HMBOX1: variants seen among roughly 807,000 people sequenced by gnomAD.
The protein encoded by HMBOX1 is homeobox-containing protein 1.
Under a neutral mutation model 54.5 loss-of-function variants are expected in HMBOX1, and 14 were observed. The observed-to-expected ratio is 0.26, with a 90% CI of 0.17 to 0.40. HMBOX1 has a LOEUF of 0.40. HMBOX1 is among the 10% of genes least tolerant of loss of function. The pLI is 1.00. For synonymous variants in HMBOX1, 160 were observed against 181.0 expected, an observed-to-expected ratio of 0.88 and a Z score of 0.93; for missense variants, 332 against 514.4, an observed-to-expected ratio of 0.65 and a Z score of 3.43.
intron 5 of HMBOX1, 76 bp downstream of exon 5, chr8:29,009,258 C>G (rs1833890097): frequency 8.0e-7 from 1 of 1,245,028 alleles, no homozygotes; most frequent in Admixed American, 1.9e-5. Flanking sequence ...ACTCCATGTG[C>G]TAACTTGTTC....
intron 1 of HMBOX1, among the ~76,000 whole-genome samples, chr8:28,960,851 A>C (rs1237758187): frequency 8.2e-6 from 1 of 122,578 alleles, no homozygotes; most frequent in Non-Finnish European, 1.6e-5. Flanking sequence ...CAGTGGTGTG[A>C]TCTTGGCTCA....
At chr8:28,940,164 C>T (rs1194037285) in intron 1 of HMBOX1, among the ~76,000 whole-genome samples, 1 of 152,094 alleles carries the variant, frequency 6.6e-6, no homozygotes, top group African/African-American at 2.4e-5. Context: ...TGTGCCACCA[C>T]ACCTGGTTAA....
At chr8:28,931,977 A>G (rs1348747914) in intron 1 of HMBOX1, among the ~76,000 whole-genome samples, 6 of 152,240 alleles carry the variant, frequency 3.9e-5, no homozygotes, top group African/African-American at 7.2e-5. Context: ...GAGGACATAT[A>G]TAATAAATAA....
At chr8:28,902,155 C>T (rs1813346354) in intron 1 of HMBOX1, among the ~76,000 whole-genome samples, 1 of 152,138 alleles carries the variant, frequency 6.6e-6, no homozygotes. Flanking sequence ...TTTCTGCTGA[C>T]TTGCCGCTGG....
At chr8:29,048,282 C>T (rs190743260) in intron 8 of HMBOX1, among the ~76,000 whole-genome samples, 5 of 152,198 alleles carry the variant, frequency 3.3e-5, no homozygotes, top group African/African-American at 9.6e-5. Flanking sequence ...CAAAACATCA[C>T]CTTGTACACC....
At chr8:28,997,077 C>T (rs1831972006) in intron 4 of HMBOX1, among the ~76,000 whole-genome samples, 1 of 151,876 alleles carries the variant, frequency 6.6e-6, no homozygotes, top group Non-Finnish European at 1.5e-5. Flanking sequence ...TCTACTTTTT[C>T]CTTTCCAATC....
rs573929232 is a variant in HMBOX1, at chr8:28,984,088, G to A, written c.586+3932G>A. On this transcript the variant is annotated intron_variant, in intron 4 of 9. Transcript: ENST00000287701. ...CTCGTAATTGGTCTAACTTAGGTTAGAGTGAGTCTGAGTATGGAAGCCTTC... is the reference window on the plus strand; with the variant it reads ...CTCGTAATTGGTCTAACTTAGGTTAAAGTGAGTCTGAGTATGGAAGCCTTC... Among the ~76,000 whole-genome samples, 8 of 152,326 alleles carry A rather than the reference G, an allele frequency of 5.3e-5. No homozygotes were observed. In the South Asian group the frequency reaches 1.5e-3, roughly 28 times the overall value.
intron 6 of HMBOX1, among the ~76,000 whole-genome samples, chr8:29,030,787 C>T (rs1332821654): frequency 6.6e-6 from 1 of 152,198 alleles, no homozygotes; most frequent in Non-Finnish European, 1.5e-5. Context: ...TAAGCTCTGG[C>T]AGAAGAGCAG....
intron 4 of HMBOX1, among the ~76,000 whole-genome samples, chr8:28,994,168 A>AC (rs1831429752): frequency 2.1e-5 from 1 of 48,066 alleles, no homozygotes; most frequent in Non-Finnish European, 7.4e-5. Context: ...CTCTCTCACC[A>AC]AAAAAAAAAA....
intron 2 of HMBOX1, among the ~76,000 whole-genome samples, chr8:28,968,129 G>A (rs1275925533): frequency 2.6e-5 from 4 of 152,180 alleles, no homozygotes; most frequent in Non-Finnish European, 4.4e-5. Flanking sequence ...ATTTCACATC[G>A]GAGGAGAAGA....
intron 1 of HMBOX1, among the ~76,000 whole-genome samples, chr8:28,930,682 T>A (rs1274060355): frequency 2.0e-5 from 3 of 152,234 alleles, no homozygotes; most frequent in African/African-American, 2.4e-5. Context: ...ATCTTTGTTA[T>A]AGCAATTCCA....
intron 6 of HMBOX1, among the ~76,000 whole-genome samples, chr8:29,033,270 A>C (rs28679662): frequency 0.36 from 54,439 of 151,954 alleles, 9,964 homozygotes; most frequent in South Asian, 0.44. Flanking sequence ...TTATGCCGGA[A>C]GTTGTATTTT....
At chr8:29,049,348 G>C in intron 9 of HMBOX1, 1 of 1,532,718 alleles carries the variant, frequency 6.5e-7, no homozygotes, top group Non-Finnish European at 8.7e-7. Flanking sequence ...GAGGGAGGCA[G>C]AGAAGCAGAG....
chr8:28,920,216 G>T (rs1817309541), intron 1 of HMBOX1, among the ~76,000 whole-genome samples: 1 of 152,024 alleles, frequency 6.6e-6, no homozygotes, highest in Non-Finnish European at 1.5e-5. Context: ...ACTAACTTGT[G>T]CCTCTCTGCA....
chr8:28,958,487 A>G (rs1034120318), intron 1 of HMBOX1, among the ~76,000 whole-genome samples: 1 of 152,164 alleles, frequency 6.6e-6, no homozygotes. Context: ...GATTTATTGT[A>G]TAGGTAATAA....
chr8:28,908,214 T>C (rs1240431893), intron 1 of HMBOX1, among the ~76,000 whole-genome samples: 1 of 152,200 alleles, frequency 6.6e-6, no homozygotes, highest in Admixed American at 6.5e-5. Context: ...TAGGAACATA[T>C]TTGGTTTGTA....
intron 7 of HMBOX1, chr8:29,046,223 A>T (rs909716237): frequency 6.6e-6 from 1 of 152,354 alleles, no homozygotes; most frequent in Non-Finnish European, 1.5e-5. Context: ...AGACCCTACA[A>T]ACTGCTCCAG....
chr8:28,954,010 T>C (rs1823973988), intron 1 of HMBOX1, among the ~76,000 whole-genome samples: 1 of 152,180 alleles, frequency 6.6e-6, no homozygotes, highest in Admixed American at 6.5e-5. Context: ...GGAGAGGATG[T>C]TCACTTTTCT....
intron 1 of HMBOX1, among the ~76,000 whole-genome samples, chr8:28,912,826 A>G (rs1049255610): frequency 9.9e-5 from 15 of 152,156 alleles, no homozygotes; most frequent in Non-Finnish European, 2.1e-4. Flanking sequence ...AGTTCCAGAG[A>G]GAACTTTATA....
Sources: allele counts gnomAD v4.1 joint callset (sites outside exome capture counted in the v4.1 genomes callset), GRCh38; gene constraint gnomAD v4.1.1; transcripts MANE v1.5; gene names NCBI Gene and HGNC (gene_info 2026-07-23, HGNC 2026-07-21).